The following WWOX variants were observed in gnomAD, a reference collection of about 807,000 sequenced individuals.
WWOX encodes the protein WW domain-containing oxidoreductase.
In WWOX, 69 loss-of-function variants were observed where a neutral mutation model predicts 46.2. That is an observed-to-expected ratio of 1.49 (90% CI 1.23 to 1.82). The LOEUF is 1.82. Ranked by LOEUF, WWOX falls within the 40% of genes most tolerant of loss-of-function variation. The pLI is 0.00. For synonymous variants in WWOX, 359 were observed against 202.6 expected, an observed-to-expected ratio of 1.77 and a Z score of -6.56; for missense variants, 919 against 542.6, an observed-to-expected ratio of 1.69 and a Z score of -6.89.
At chr16:79,091,285 GC>G (rs1466828699) in intron 8 of WWOX, among the ~76,000 whole-genome samples, 47 of 151,878 alleles carry the variant, frequency 3.1e-4, no homozygotes, top group African/African-American at 1.1e-3. Context: ...TTTTAATGCT[GC>G]TTTTTTTTTT....
At chr16:78,637,938 G>C (rs147660306) in intron 8 of WWOX, among the ~76,000 whole-genome samples, 89 of 152,214 alleles carry the variant, frequency 5.8e-4, no homozygotes, top group African/African-American at 2.1e-3. Context: ...GTTGGGGGAA[G>C]GGGTCTCCAT....
intron 5 of WWOX, among the ~76,000 whole-genome samples, chr16:78,216,276 T>C (rs2036717919): frequency 6.6e-6 from 1 of 152,228 alleles, no homozygotes; most frequent in African/African-American, 2.4e-5. Context: ...GGCTTAATTA[T>C]TTTAAAGTAA....
chr16:78,152,138 C>G (rs954370548), intron 4 of WWOX, among the ~76,000 whole-genome samples: 7 of 151,206 alleles, frequency 4.6e-5, no homozygotes, highest in Non-Finnish European at 8.8e-5. Context: ...TGAAGTGAGC[C>G]GAGATCGCGC....
chr16:79,149,067 A>T (rs531652820), intron 8 of WWOX, among the ~76,000 whole-genome samples: 6 of 152,112 alleles, frequency 3.9e-5, no homozygotes, highest in African/African-American at 9.7e-5. Context: ...TTCCTGTGCT[A>T]TGTTGAACAA....
At chr16:79,013,085 C>A (rs115605987) in intron 8 of WWOX, among the ~76,000 whole-genome samples, 65 of 152,266 alleles carry the variant, frequency 4.3e-4, no homozygotes, top group African/African-American at 1.5e-3. Flanking sequence ...AAAGGAAATG[C>A]TACCAGTGAG....
intron 8 of WWOX, among the ~76,000 whole-genome samples, chr16:78,541,326 T>C (rs1196065538): frequency 3.3e-5 from 5 of 150,270 alleles, no homozygotes; most frequent in African/African-American, 4.9e-5. Flanking sequence ...TACAAAAAAT[T>C]AGCCGGGCGT....
At chr16:78,366,212 G>T (rs868492435) in intron 5 of WWOX, among the ~76,000 whole-genome samples, 3 of 152,224 alleles carry the variant, frequency 2.0e-5, no homozygotes, top group African/African-American at 7.2e-5. Flanking sequence ...AAGAAGACTT[G>T]TGGAATGATA....
intron 8 of WWOX, among the ~76,000 whole-genome samples, chr16:78,960,874 CT>C (rs1310177991): frequency 6.6e-6 from 1 of 152,164 alleles, no homozygotes; most frequent in African/African-American, 2.4e-5. Flanking sequence ...ATACATAGCT[CT>C]TTTGAAGACT....
At chr16:78,476,710 T>C (rs370520679) in intron 8 of WWOX, among the ~76,000 whole-genome samples, 1 of 152,226 alleles carries the variant, frequency 6.6e-6, no homozygotes, top group Non-Finnish European at 1.5e-5. Flanking sequence ...GCTTAAATTA[T>C]AAGCTAGCTA....
In WWOX at chr16:78,366,969, ATTTTTTTTTTT is replaced by A. The variant is rs544239767; in HGVS notation, c.517-19873_517-19863del. Among the ~76,000 whole-genome samples, 9 of 74,242 alleles carry A rather than the reference ATTTTTTTTTTT, an allele frequency of 1.2e-4. No homozygotes were observed. The East Asian group carries it at 1.2e-3, about 10-fold the overall frequency. The allele number at this position is 74,242 out of a possible 152,430, so 48.7% of individuals were successfully genotyped here. A position where few individuals can be genotyped will look rare whatever the true frequency, so the allele number is the denominator to read the frequency against. ...TTTTTTTTTGTATCACAAAAGTTAC[ATTTTTTTTTTT>A]TTTTTTTTTTTTTTTTTAAGACGTA... On this transcript the variant is annotated intron_variant, in intron 5 of 8. Coordinates refer to ENST00000566780, the MANE Select transcript of WWOX (RefSeq NM_016373.4).
intron 8 of WWOX, among the ~76,000 whole-genome samples, chr16:79,169,545 A>G (rs138037466): frequency 6.6e-6 from 1 of 152,206 alleles, no homozygotes; most frequent in African/African-American, 2.4e-5. Flanking sequence ...AGCCAGGGTA[A>G]AGTCCCCAGC....
At chr16:78,787,154 A>G (rs138793486) in intron 8 of WWOX, among the ~76,000 whole-genome samples, 86 of 152,300 alleles carry the variant, frequency 5.6e-4, no homozygotes, top group African/African-American at 2.0e-3. Flanking sequence ...TCTCAAAAAC[A>G]AAAATAAAAC....
chr16:78,807,662 G>A (rs887199615), intron 8 of WWOX, among the ~76,000 whole-genome samples: 2 of 152,164 alleles, frequency 1.3e-5, no homozygotes, highest in African/African-American at 2.4e-5. Flanking sequence ...ATTGAAGGGC[G>A]CCAGCCTGTA....
In WWOX at chr16:78,422,720, C is replaced by G. The variant is rs533274893; in HGVS notation, c.606-2150C>G. 2.6e-4 allele frequency among the ~76,000 whole-genome samples: 25 copies of G among 95,858 alleles called. No individual in the cohort carries two copies. The South Asian group carries it at 9.4e-3, about 36-fold the overall frequency. The allele number at this position is 95,858 out of a possible 152,430, so 62.9% of individuals were successfully genotyped here. A position where few individuals can be genotyped will look rare whatever the true frequency, so the allele number is the denominator to read the frequency against. ...ACACACATATATATATACACACACACATATATATATACACACACATATATA... is the reference window on the plus strand; with the variant it reads ...ACACACATATATATATACACACACAGATATATATATACACACACATATATA... On this transcript the variant is annotated intron_variant, in intron 6 of 8. Coordinates refer to ENST00000566780, the MANE Select transcript of WWOX (RefSeq NM_016373.4).
At chr16:78,803,043 A>G (rs2050937377) in intron 8 of WWOX, among the ~76,000 whole-genome samples, 1 of 151,014 alleles carries the variant, frequency 6.6e-6, no homozygotes, top group African/African-American at 2.4e-5. Context: ...TGTGGCCAGT[A>G]GGTGCAAGAG....
intron 8 of WWOX, among the ~76,000 whole-genome samples, chr16:78,744,503 C>G (rs949810913): frequency 1.0e-4 from 14 of 134,528 alleles, no homozygotes; most frequent in Non-Finnish European, 1.7e-4. Flanking sequence ...ACAGTCTTGG[C>G]TCATTGCAAC....
intron 5 of WWOX, among the ~76,000 whole-genome samples, chr16:78,317,686 ACT>A (rs1443494648): frequency 1.3e-5 from 2 of 151,412 alleles, no homozygotes; most frequent in Admixed American, 6.6e-5. Context: ...CTCTCTGTTG[ACT>A]CTGTCCAGAG....
intron 8 of WWOX, among the ~76,000 whole-genome samples, chr16:79,177,527 C>G (rs1175416360): frequency 1.3e-5 from 2 of 152,162 alleles, no homozygotes; most frequent in African/African-American, 2.4e-5. Flanking sequence ...CTCCTTCCAG[C>G]TTTCAATAAT....
intron 8 of WWOX, among the ~76,000 whole-genome samples, chr16:79,069,121 T>A (rs1005321253): frequency 6.6e-6 from 1 of 152,120 alleles, no homozygotes; most frequent in African/African-American, 2.4e-5. Context: ...ACGTGTGACA[T>A]CTCACTTCGG....
Sources: allele counts gnomAD v4.1 joint callset (sites outside exome capture counted in the v4.1 genomes callset), GRCh38; gene constraint gnomAD v4.1.1; transcripts MANE v1.5; gene names NCBI Gene and HGNC (gene_info 2026-07-23, HGNC 2026-07-21).